KIZ: variants seen among roughly 807,000 people sequenced by gnomAD.
KIZ encodes the protein kizuna centrosomal protein.
In KIZ, 68 loss-of-function variants were observed where a neutral mutation model predicts 79.6. The observed-to-expected ratio is 0.85, with a 90% CI of 0.70 to 1.05. The LOEUF is 1.05. KIZ is among the 50% of genes least tolerant of loss of function. The pLI, the probability that KIZ is intolerant of heterozygous loss-of-function variation, is 0.00. For synonymous variants in KIZ, 280 were observed against 281.8 expected, an observed-to-expected ratio of 0.99 and a Z score of 0.06; for missense variants, 797 against 800.4, an observed-to-expected ratio of 1.00 and a Z score of 0.05.
chr20:21,240,547 G>GA lies in KIZ; in HGVS notation c.1881-3692dup, dbSNP rs552714009. Among the ~76,000 whole-genome samples, 224 of 152,342 alleles carry GA rather than the reference G, an allele frequency of 1.5e-3. 1 individual carries two copies. The highest frequency in any genetic ancestry group is 5.1e-3 in the African/African-American group (212 of 41,584). On this transcript the variant is annotated intron_variant, in intron 11 of 12. Coordinates refer to ENST00000619189, the MANE Select transcript of KIZ (RefSeq NM_018474.6). ...TCCAGTCCAGTTGTAAACTTCTAGG[G>GA]AAAAAATACCAAGTCTGCCCTCTGG... is the stretch of plus-strand genomic sequence containing the variant.
rs946055854 is a variant in KIZ, at chr20:21,238,384, TGAGA to T, written c.1880+5558_1880+5561del. The stretch of plus-strand genomic sequence containing the variant: ...GTGTGTGTGAGAGGGTGTGAGTGTG[TGAGA>T]GAGTGTGTGTGTGTGTGAATGTGTG... On this transcript the variant is annotated intron_variant, in intron 11 of 12. Coordinates refer to ENST00000619189, the MANE Select transcript of KIZ (RefSeq NM_018474.6). 1.3e-4 allele frequency among the ~76,000 whole-genome samples: 19 copies of T among 150,482 alleles called. 1 individual carries two copies. The highest frequency in any genetic ancestry group is 4.2e-4 in the South Asian group (2 of 4,740).
chr20:21,220,735 C>A (rs182653893), intron 9 of KIZ, among the ~76,000 whole-genome samples: 3 of 152,354 alleles, frequency 2.0e-5, no homozygotes, highest in Admixed American at 2.0e-4. Flanking sequence ...CCACCTTGGC[C>A]TCCCAAAGTG....
intron 9 of KIZ, among the ~76,000 whole-genome samples, chr20:21,219,711 A>G (rs2036438492): frequency 6.6e-6 from 1 of 152,134 alleles, no homozygotes; most frequent in African/African-American, 2.4e-5. Context: ...TTCTTCCTCT[A>G]TGCTAATGGA....
At chr20:21,238,348 A>AGTGTGTGT (rs1325097740) in intron 11 of KIZ, among the ~76,000 whole-genome samples, 66 of 82,160 alleles carry the variant, frequency 8.0e-4, no homozygotes, top group African/African-American at 2.1e-3. Context: ...AGAGAGAGAG[A>AGTGTGTGT]GAGAGTGTGT....
At chr20:21,212,303 G>A (rs777821300) in intron 7 of KIZ, among the ~76,000 whole-genome samples, 12 of 152,200 alleles carry the variant, frequency 7.9e-5, no homozygotes, top group Non-Finnish European at 1.5e-4. Flanking sequence ...ATAAAATACA[G>A]ATAGTCCCTG....
At chr20:21,193,395 A>AATTT (rs1171939604) in intron 6 of KIZ, among the ~76,000 whole-genome samples, 2 of 152,168 alleles carry the variant, frequency 1.3e-5, no homozygotes, top group East Asian at 3.9e-4. Context: ...AGTAATTCTC[A>AATTT]GTTTGCAATT....
intron 11 of KIZ, among the ~76,000 whole-genome samples, chr20:21,233,922 G>T (rs2036913813): frequency 6.6e-6 from 1 of 152,146 alleles, no homozygotes; most frequent in South Asian, 2.1e-4. Context: ...CCATATTTTT[G>T]AAGGAAGTGG....
chr20:21,189,699 A>G (rs1177760196), intron 6 of KIZ, among the ~76,000 whole-genome samples: 3 of 152,176 alleles, frequency 2.0e-5, no homozygotes, highest in Middle Eastern at 3.2e-3. Context: ...ATGGTGCCCT[A>G]CCAAATGTAG....
Position 21,162,323 on chromosome 20 carries a change from C to G in KIZ, c.858C>G (p.Asn286Lys), listed in dbSNP as rs369835898. Residue 286 changes from asparagine (N) to lysine (K), a missense_variant, in exon 5 of 13, where the codon AAC (asparagine) becomes AAG (lysine). Transcript: ENST00000619189. ...SPLRERLSPE[N>K]RTTDLKCDSS... ...TACGGGAAAGATTAAGTCCAGAGAA[C>G]AGAACCACTGATTTAAAGTGTGACA... 12 of 1,613,734 alleles carry G rather than the reference C, an allele frequency of 7.4e-6. No homozygotes were observed. In the South Asian group the frequency reaches 1.1e-4, roughly 15 times the overall value.
intron 3 of KIZ, among the ~76,000 whole-genome samples, chr20:21,139,592 A>G (rs1194168441): frequency 6.6e-6 from 1 of 152,212 alleles, no homozygotes; most frequent in Admixed American, 6.5e-5. Flanking sequence ...ATTTCTGCTT[A>G]TCTTCATATT....
In KIZ at chr20:21,145,597, A is replaced by G. The variant is rs16982513; in HGVS notation, c.348A>G (p.Leu116=). The part of the protein sequence containing the change: ...LEYETQIKKM[L]CSKDSLGLKE... ...ATGAGACTCAAATTAAGAAGATGCT[A>G]TGCTCAAAAGATAGCCTGGGACTAA... is the stretch of plus-strand genomic sequence containing the variant. Residue 116 remains leucine (L), a synonymous_variant, in exon 4 of 13, where the codon CTA becomes CTG. Transcript: ENST00000619189. The G allele has an allele frequency of 3.0e-3, 4,556 of 1,525,892 alleles. 118 individuals carry two copies. In the African/African-American group the frequency reaches 0.054, roughly 18 times the overall value. 94.5% of individuals were successfully genotyped at this position (1,525,892 alleles called of 1,614,324 possible).
rs549549873 is a variant in KIZ, at chr20:21,146,844, C to G, written c.405+1190C>G. Among the ~76,000 whole-genome samples, 9 of 152,040 alleles carry G rather than the reference C, an allele frequency of 5.9e-5. No individual in the cohort carries two copies. The East Asian group carries it at 1.7e-3, about 29-fold the overall frequency. On this transcript the variant is annotated intron_variant, in intron 4 of 12. Transcript: ENST00000619189. The stretch of plus-strand genomic sequence containing the variant: ...AGATTAAAAAATTAAAAAAAAAACC[C>G]TAGAACTTAGAGCATTCTTTAAACT...
Position 21,204,688 on chromosome 20 carries a change from C to A in KIZ, c.1353-803C>A, listed in dbSNP as rs527743926. 1.3e-5 allele frequency among the ~76,000 whole-genome samples: 2 copies of A among 152,208 alleles called. 1 individual carries two copies. The highest frequency in any genetic ancestry group is 4.1e-4 in the South Asian group (2 of 4,822). On this transcript the variant is annotated intron_variant, in intron 6 of 12. Coordinates refer to ENST00000619189, the MANE Select transcript of KIZ (RefSeq NM_018474.6). ...TGTTTCAGGTTCATCTTGTGCGTTT[C>A]CTGCCCCAGACCTGAATAGGGCATT...
chr20:21,210,686 G>C (rs953080497), intron 7 of KIZ, among the ~76,000 whole-genome samples: 12 of 152,010 alleles, frequency 7.9e-5, no homozygotes, highest in African/African-American at 2.9e-4. Flanking sequence ...TCTCACTCTG[G>C]AAGGGTCATC....
At chr20:21,233,977 G>A (rs970968003) in intron 11 of KIZ, among the ~76,000 whole-genome samples, 1 of 152,150 alleles carries the variant, frequency 6.6e-6, no homozygotes, top group African/African-American at 2.4e-5. Context: ...ATGTTATTAT[G>A]ATTGTATTAT....
At chr20:21,227,967 A>G (rs1193156435) in intron 9 of KIZ, among the ~76,000 whole-genome samples, 1 of 152,218 alleles carries the variant, frequency 6.6e-6, no homozygotes, top group Non-Finnish European at 1.5e-5. Context: ...TTAATTATAT[A>G]CTATTTAATA....
chr20:21,178,154 G>A (rs1396047751), intron 6 of KIZ, among the ~76,000 whole-genome samples: 1 of 151,884 alleles, frequency 6.6e-6, no homozygotes, highest in African/African-American at 2.4e-5. Flanking sequence ...ATAGAATCTG[G>A]AGATTGCTTT....
At chr20:21,201,514 T>C (rs1205365696) in intron 6 of KIZ, among the ~76,000 whole-genome samples, 3 of 152,224 alleles carry the variant, frequency 2.0e-5, no homozygotes, top group South Asian at 2.1e-4. Context: ...TTATAGTATA[T>C]GAAAATCTCT....
At chr20:21,237,588 C>T (rs953610262) in intron 11 of KIZ, among the ~76,000 whole-genome samples, 14 of 152,102 alleles carry the variant, frequency 9.2e-5, no homozygotes, top group African/African-American at 2.2e-4. Flanking sequence ...ATGTCATGCC[C>T]GCGTATGACC....
Sources: allele counts gnomAD v4.1 joint callset (sites outside exome capture counted in the v4.1 genomes callset), GRCh38; gene constraint gnomAD v4.1.1; transcripts MANE v1.5; gene names NCBI Gene and HGNC (gene_info 2026-07-23, HGNC 2026-07-21).